Variants in PPP2R5B observed in about 807,000 individuals in gnomAD.
PPP2R5B encodes serine/threonine-protein phosphatase 2A 56 kDa regulatory subunit beta isoform.
Under a neutral mutation model 59.9 loss-of-function variants are expected in PPP2R5B, and 19 were observed. The observed-to-expected ratio is 0.32, with a 90% CI of 0.22 to 0.47. The LOEUF (loss-of-function observed/expected upper bound fraction) is 0.47, where lower values mean the gene tolerates loss of function less well. Ranked by LOEUF, PPP2R5B falls within the 20% of genes least tolerant of loss-of-function variation. The probability of loss-of-function intolerance (pLI) is 1.00; values close to 1 mark genes in which losing one functional copy is unlikely to be tolerated. For missense variants in PPP2R5B, 441 were observed against 640.2 expected (o/e 0.69, Z 3.36); for synonymous variants, 286 against 260.5 (o/e 1.10, Z -0.94).
upstream of PPP2R5B, among the ~76,000 whole-genome samples, chr11:64,920,541 G>C (rs144278814): frequency 2.0e-3 from 302 of 152,260 alleles, 5 homozygotes; most frequent in East Asian, 0.035. Flanking sequence ...ACAGTAAAGG[G>C]GACGATATTC....
upstream of PPP2R5B, among the ~76,000 whole-genome samples, chr11:64,921,168 C>G (rs1945107166): frequency 6.6e-6 from 1 of 151,564 alleles, no homozygotes; most frequent in East Asian, 1.9e-4. Flanking sequence ...GTGGCCCAGG[C>G]TGGTCTTGAA....
chr11:64,929,119 G>T (rs892240881), intron 6 of PPP2R5B, among the ~76,000 whole-genome samples: 1 of 152,194 alleles, frequency 6.6e-6, no homozygotes, highest in African/African-American at 2.4e-5. Context: ...CAGAGAATGG[G>T]TATTTATTTC....
chr11:64,927,237 C>T (rs983657155), intron 3 of PPP2R5B, among the ~76,000 whole-genome samples: 22 of 152,206 alleles, frequency 1.4e-4, no homozygotes, highest in African/African-American at 4.6e-4. Flanking sequence ...TGCCCGTAGA[C>T]CTCACAGCTT....
At chr11:64,932,024 C>G (rs139803123) in intron 11 of PPP2R5B, among the ~76,000 whole-genome samples, 156 bp downstream of exon 11, 13 of 152,334 alleles carry the variant, frequency 8.5e-5, no homozygotes, top group Non-Finnish European at 1.9e-4. Flanking sequence ...TAGGGTGAAG[C>G]CTCGGACCTG....
chr11:64,923,193 AC>A (rs943906512), upstream of PPP2R5B: 1 of 152,326 alleles, frequency 6.6e-6, no homozygotes, highest in Non-Finnish European at 1.5e-5. Flanking sequence ...GGGCACTGGT[AC>A]CCAGGGGGCT....
intron 6 of PPP2R5B, 63 bp downstream of exon 6, chr11:64,928,488 C>CGGCA: frequency 6.2e-7 from 1 of 1,606,158 alleles, no homozygotes; most frequent in Admixed American, 1.7e-5. Flanking sequence ...TAGAAGACTG[C>CGGCA]GGCAAAGGCC....
chr11:64,932,681 C>T (rs916266939), intron 11 of PPP2R5B, 84 bp from the exon 12 acceptor site: 10 of 1,531,346 alleles, frequency 6.5e-6, no homozygotes, highest in African/African-American at 2.7e-5. Context: ...GGGGCCTGGG[C>T]GTTGAGGTAG....
chr11:64,923,991 G>T (rs1282587785), upstream of PPP2R5B, among the ~76,000 whole-genome samples: 1 of 152,178 alleles, frequency 6.6e-6, no homozygotes, highest in Non-Finnish European at 1.5e-5. Context: ...CACATCTTAG[G>T]GTCCAGGGGG....
At chr11:64,927,078 C>T (rs115702229) in intron 3 of PPP2R5B, among the ~76,000 whole-genome samples, 170 bp downstream of exon 3, 2,228 of 152,226 alleles carry the variant, frequency 0.015, 22 homozygotes, top group Non-Finnish European at 0.024. Flanking sequence ...TGAATGCCTC[C>T]GGGCCTGCCC....
Position 64,930,609 on chromosome 11 carries a change from C to G in PPP2R5B, c.891+20C>G, listed in dbSNP as rs1471187312. On this transcript the variant is annotated intron_variant, in intron 8 of 13. Coordinates refer to ENST00000164133, the MANE Select transcript of PPP2R5B (RefSeq NM_006244.4). Reference sequence around the variant, plus strand: ...GCCCAGGTGAGGCCCAGGCCTGTCCCTGCTGCAGCAGGAGCTCCAGACAGT... The same window carrying G: ...GCCCAGGTGAGGCCCAGGCCTGTCCGTGCTGCAGCAGGAGCTCCAGACAGT... 6.2e-7 allele frequency: 1 copy of G among 1,601,598 alleles called. No individual in the cohort carries two copies. Among genetic ancestry groups the G allele is most frequent in the African/African-American group, 1.3e-5 (1 of 74,708 alleles).
upstream of PPP2R5B, among the ~76,000 whole-genome samples, chr11:64,921,954 C>A (rs1945113345): frequency 6.6e-6 from 1 of 152,184 alleles, no homozygotes; most frequent in Non-Finnish European, 1.5e-5. Context: ...GTGGCTCACA[C>A]CTGTAGTCCC....
upstream of PPP2R5B, among the ~76,000 whole-genome samples, chr11:64,922,742 G>A (rs1328028450): frequency 3.9e-5 from 6 of 151,914 alleles, no homozygotes; most frequent in East Asian, 1.9e-4. Flanking sequence ...GGGCTTGGTG[G>A]TGGGCGCCTG....
At chr11:64,924,532 T>C (rs763761351), upstream of PPP2R5B, 3 of 152,318 alleles carry the variant, frequency 2.0e-5, no homozygotes, top group Non-Finnish European at 4.4e-5. Flanking sequence ...AGCTTCGGCC[T>C]TCACCCCCGA....
intron 11 of PPP2R5B, among the ~76,000 whole-genome samples, chr11:64,932,093 C>G (rs1945233171): frequency 6.6e-6 from 1 of 152,186 alleles, no homozygotes; most frequent in Non-Finnish European, 1.5e-5. Flanking sequence ...TCTGATTAAG[C>G]TTCCGCAGCT....
upstream of PPP2R5B, among the ~76,000 whole-genome samples, chr11:64,921,560 G>A (rs1396192456): frequency 1.3e-5 from 2 of 152,214 alleles, no homozygotes; most frequent in Non-Finnish European, 2.9e-5. Flanking sequence ...GAGGTGGCCC[G>A]GGGGCTGCGG....
intron 1 of PPP2R5B, among the ~76,000 whole-genome samples, chr11:64,918,998 A>G (rs1292449971): frequency 1.1e-4 from 16 of 152,186 alleles, no homozygotes; most frequent in Admixed American, 1.0e-3. Context: ...CATTACCTGG[A>G]AGGAGCAGGC....
chr11:64,923,525 A>C (rs1945128673), upstream of PPP2R5B, among the ~76,000 whole-genome samples: 1 of 152,200 alleles, frequency 6.6e-6, no homozygotes, highest in Non-Finnish European at 1.5e-5. Flanking sequence ...CCTGGACCCC[A>C]GCCTGGTGAA....
intron 1 of PPP2R5B, among the ~76,000 whole-genome samples, chr11:64,919,207 A>G (rs530684120): frequency 3.3e-5 from 5 of 152,226 alleles, no homozygotes; most frequent in African/African-American, 7.2e-5. Flanking sequence ...GCAGAGTGTG[A>G]TGGCGGGCGC....
At position 64,925,815 on chromosome 11, in the gene PPP2R5B, G is replaced by A; in HGVS notation, c.81G>A (p.Lys27=). The change falls in exon 2 of 14, where the codon AAG becomes AAA. Residue 27 remains lysine, a synonymous_variant. Coordinates refer to ENST00000164133, the MANE Select transcript of PPP2R5B (RefSeq NM_006244.4). The surrounding 1 kb of genome is among the most constrained non-coding windows in gnomAD (Gnocchi z 4.6). ...PGLSPVPPPD[K]VDGFSRRSLR... ...TGTCGCCTGTGCCCCCACCCGACAA[G>A]GTGGACGGCTTCTCCCGCCGTTCCC... 6.3e-7 allele frequency: 1 copy of A among 1,595,876 alleles called. No homozygotes were observed.
Sources: allele counts gnomAD v4.1 joint callset (sites outside exome capture counted in the v4.1 genomes callset), GRCh38; gene constraint gnomAD v4.1.1; non-coding constraint Gnocchi (gnomAD v3.1); transcripts MANE v1.5; gene names NCBI Gene and HGNC (gene_info 2026-07-23, HGNC 2026-07-21).